Variants in ITSN1 observed in about 807,000 individuals in gnomAD.
ITSN1 encodes the protein intersectin-1.
Under a neutral mutation model 239.8 loss-of-function variants are expected in ITSN1, and 58 were observed. That is an observed-to-expected ratio of 0.24 (90% CI 0.20 to 0.30). The LOEUF is 0.30. ITSN1 is among the 10% of genes least tolerant of loss of function. ITSN1 has a pLI of 1.00. For synonymous variants in ITSN1, 780 were observed against 770.8 expected, an observed-to-expected ratio of 1.01 and a Z score of -0.20; for missense variants, 1,558 against 2,103.3, an observed-to-expected ratio of 0.74 and a Z score of 5.07.
chr21:33,865,708 C>A lies in ITSN1; in HGVS notation c.4074+374C>A, dbSNP rs574800192. On this transcript the variant is annotated intron_variant, in intron 32 of 39. Coordinates refer to ENST00000381318, the MANE Select transcript of ITSN1 (RefSeq NM_003024.3). This position sits in a 1 kb window ranked among gnomAD's most constrained non-coding sequence, Gnocchi z 4.4. ...ATCCTCAGTTCTTTGCTGGTCTCTG[C>A]CCTTCACTTGCAGAGGGAATGGCCA... Among the ~76,000 whole-genome samples the A allele has an allele frequency of 1.3e-4, 20 of 152,346 alleles. No individual in the cohort carries two copies. In the East Asian group the frequency reaches 3.9e-3, roughly 29 times the overall value.
At chr21:33,817,230 G>T in intron 22 of ITSN1, 1 of 1,297,124 alleles carries the variant, frequency 7.7e-7, no homozygotes, top group South Asian at 1.2e-5. Context: ...TGCCTTTCCA[G>T]CCTGACTTCC....
intron 29 of ITSN1, among the ~76,000 whole-genome samples, chr21:33,842,837 T>C (rs1237155326): frequency 2.0e-5 from 3 of 152,186 alleles, no homozygotes; most frequent in African/African-American, 7.2e-5. Flanking sequence ...GAGAACACTT[T>C]TGATCTGCCA....
intron 1 of ITSN1, among the ~76,000 whole-genome samples, chr21:33,662,444 T>C (rs1325278467): frequency 1.3e-5 from 2 of 152,218 alleles, no homozygotes; most frequent in East Asian, 1.9e-4. Context: ...AACCTTCTTA[T>C]ACCTAATTAA....
intron 17 of ITSN1, among the ~76,000 whole-genome samples, chr21:33,795,555 G>T (rs1049228784): frequency 6.6e-6 from 1 of 152,076 alleles, no homozygotes; most frequent in South Asian, 2.1e-4. Context: ...TTTCTTATGG[G>T]TATATAGAGT....
intron 27 of ITSN1, among the ~76,000 whole-genome samples, chr21:33,830,155 C>T (rs2074208687): frequency 2.0e-5 from 3 of 152,094 alleles, no homozygotes; most frequent in South Asian, 2.1e-4. Flanking sequence ...TTTTAGTTCC[C>T]GTGTGTGTGC....
intron 1 of ITSN1, among the ~76,000 whole-genome samples, chr21:33,651,023 G>A (rs956077245): frequency 6.6e-5 from 10 of 152,276 alleles, no homozygotes; most frequent in Non-Finnish European, 1.0e-4. Flanking sequence ...AGGGCAGGGA[G>A]TGTATCGCTG....
At chr21:33,698,929 GT>G (rs1312856262) in intron 1 of ITSN1, among the ~76,000 whole-genome samples, 1 of 151,980 alleles carries the variant, frequency 6.6e-6, no homozygotes, top group East Asian at 1.9e-4. Flanking sequence ...TTTCTTTAAT[GT>G]TTTCCAATTT....
intron 29 of ITSN1, among the ~76,000 whole-genome samples, chr21:33,841,495 A>G (rs889328303): frequency 6.6e-6 from 1 of 152,202 alleles, no homozygotes; most frequent in Non-Finnish European, 1.5e-5. Flanking sequence ...AGAGGAGACC[A>G]TGCTGTCTCT....
Position 33,683,200 on chromosome 21 carries a change from T to C in ITSN1, c.-32-35597T>C, listed in dbSNP as rs549325649. ...AATCAGGCGCTGACTTTTTTTTTTT[T>C]CCTCCTGCTTTTACTCAGAGATCAT... On this transcript the variant is annotated intron_variant, in intron 1 of 39. Transcript: ENST00000381318. 6.8e-4 allele frequency among the ~76,000 whole-genome samples: 103 copies of C among 152,076 alleles called. 1 individual carries two copies. Among genetic ancestry groups the C allele is most frequent in the Middle Eastern group, 3.4e-3 (1 of 294 alleles).
intron 3 of ITSN1, 100 bp from the exon 4 acceptor site, chr21:33,722,488 A>T: frequency 7.1e-7 from 1 of 1,407,368 alleles, no homozygotes; most frequent in Non-Finnish European, 9.3e-7. Context: ...TTATAGTATT[A>T]CCAGCCTCTT....
At chr21:33,828,325 G>A (rs1023751718) in intron 26 of ITSN1, among the ~76,000 whole-genome samples, 6 of 152,172 alleles carry the variant, frequency 3.9e-5, no homozygotes, top group Admixed American at 1.3e-4. Context: ...TCATCCCAGC[G>A]TAGACATCCC....
chr21:33,838,938 C>T (rs1396575966), intron 29 of ITSN1, among the ~76,000 whole-genome samples: 1 of 152,238 alleles, frequency 6.6e-6, no homozygotes, highest in Non-Finnish European at 1.5e-5. Context: ...CTGGGATCGG[C>T]TTCTGCCTGG....
chr21:33,763,564 A>G (rs1350322297), intron 9 of ITSN1, among the ~76,000 whole-genome samples: 1 of 152,186 alleles, frequency 6.6e-6, no homozygotes, highest in Non-Finnish European at 1.5e-5. Context: ...AGACTTTGAT[A>G]GATGTGCCTT....
At chr21:33,846,116 T>TGCTGTCCAGTCTCACC (rs2074983121) in intron 29 of ITSN1, among the ~76,000 whole-genome samples, 1 of 152,098 alleles carries the variant, frequency 6.6e-6, no homozygotes, top group Non-Finnish European at 1.5e-5. Flanking sequence ...CTAGCCTCAC[T>TGCTGTCCAGTCTCACC]CTGCTGTCCA....
At chr21:33,702,361 C>G (rs531843921) in intron 1 of ITSN1, among the ~76,000 whole-genome samples, 1 of 152,100 alleles carries the variant, frequency 6.6e-6, no homozygotes, top group South Asian at 2.1e-4. Flanking sequence ...AGGCGATCTG[C>G]CCACCTCGGA....
chr21:33,889,839 A>G lies in ITSN1; in HGVS notation c.*1539A>G, dbSNP rs767329977. The G allele has an allele frequency of 1.3e-5, 2 of 152,220 alleles. No homozygotes were observed. The highest frequency in any genetic ancestry group is 6.5e-5 in the Admixed American group (1 of 15,268). The allele number at this position is 152,220 out of a possible 1,614,324, so 9.4% of individuals were successfully genotyped here. The stretch of plus-strand genomic sequence containing the variant: ...TGAATGTGTAGTGTTATCATTTCCC[A>G]TGAGAGCCCGGTCATACTTCAAGCA... On this transcript the variant is annotated 3_prime_UTR_variant, in exon 40 of 40. Coordinates refer to ENST00000381318, the MANE Select transcript of ITSN1 (RefSeq NM_003024.3).
chr21:33,775,281 C>A (rs2069509232), intron 14 of ITSN1, among the ~76,000 whole-genome samples, 173 bp downstream of exon 14: 1 of 152,180 alleles, frequency 6.6e-6, no homozygotes, highest in African/African-American at 2.4e-5. Context: ...GTCAAGGAGA[C>A]AAACTCAGCA....
intron 31 of ITSN1, among the ~76,000 whole-genome samples, chr21:33,860,681 C>T (rs945913552): frequency 6.6e-6 from 1 of 152,184 alleles, no homozygotes; most frequent in Non-Finnish European, 1.5e-5. Context: ...TGAGTGACTT[C>T]CCTAAAGTCA....
chr21:33,798,801 G>GT (rs2071758632), intron 18 of ITSN1, among the ~76,000 whole-genome samples: 1 of 152,210 alleles, frequency 6.6e-6, no homozygotes, highest in Admixed American at 6.5e-5. Context: ...GATGCATGCA[G>GT]TCCAGGGGAA....
Sources: allele counts gnomAD v4.1 joint callset (sites outside exome capture counted in the v4.1 genomes callset), GRCh38; gene constraint gnomAD v4.1.1; non-coding constraint Gnocchi (gnomAD v3.1); transcripts MANE v1.5; gene names NCBI Gene and HGNC (gene_info 2026-07-23, HGNC 2026-07-21).